Variants in FBXW7 observed in about 807,000 individuals in gnomAD.
The protein encoded by FBXW7 is F-box/WD repeat-containing protein 7.
In FBXW7, 11 loss-of-function variants were observed where a neutral mutation model predicts 86.3. The observed-to-expected ratio is 0.13, with a 90% CI of 0.08 to 0.21. FBXW7 has a LOEUF of 0.21. Among genes scored for constraint, FBXW7 ranks in the 10% least tolerant of loss-of-function variants. The pLI is 1.00. For synonymous variants in FBXW7, 313 were observed against 297.9 expected, an observed-to-expected ratio of 1.05 and a Z score of -0.52; for missense variants, 488 against 847.4, an observed-to-expected ratio of 0.58 and a Z score of 5.27.
chr4:152,396,489 A>T (rs1205209982), intron 4 of FBXW7, among the ~76,000 whole-genome samples: 1 of 152,072 alleles, frequency 6.6e-6, no homozygotes, highest in Non-Finnish European at 1.5e-5. Context: ...AGTTTTAACT[A>T]GCAAGCCAGT....
intron 4 of FBXW7, chr4:152,352,338 A>G: frequency 9.9e-7 from 1 of 1,008,050 alleles, no homozygotes; most frequent in Non-Finnish European, 1.5e-6. Flanking sequence ...ATGATATAAA[A>G]CAGAATACCA....
chr4:152,453,726 T>A (rs1742127005), intron 2 of FBXW7, among the ~76,000 whole-genome samples: 1 of 152,054 alleles, frequency 6.6e-6, no homozygotes, highest in Non-Finnish European at 1.5e-5. Context: ...GTTGAAAGAG[T>A]GGTGGCAGCA....
chr4:152,461,070 C>A (rs1008359287), intron 2 of FBXW7, among the ~76,000 whole-genome samples: 1 of 152,000 alleles, frequency 6.6e-6, no homozygotes, highest in Non-Finnish European at 1.5e-5. Context: ...CACCTGAGGT[C>A]GGGAGGGAGT....
intron 2 of FBXW7, among the ~76,000 whole-genome samples, chr4:152,521,757 A>G (rs1194069652): frequency 6.6e-6 from 1 of 151,750 alleles, no homozygotes; most frequent in African/African-American, 2.4e-5. Flanking sequence ...GAAAGAACAG[A>G]AGCAAGGCAA....
intron 2 of FBXW7, among the ~76,000 whole-genome samples, chr4:152,432,719 G>A (rs1740024575): frequency 6.6e-6 from 1 of 152,188 alleles, no homozygotes; most frequent in Non-Finnish European, 1.5e-5. Context: ...GGCTGAGGCA[G>A]GAGAATCACT....
At chr4:152,508,654 C>CA (rs1206694443) in intron 2 of FBXW7, among the ~76,000 whole-genome samples, 2,579 of 94,986 alleles carry the variant, frequency 0.027, 87 homozygotes, top group African/African-American at 0.088. Flanking sequence ...CGTGCCACTG[C>CA]AAAAAAAAAA....
chr4:152,353,584 T>C (rs996497517), intron 4 of FBXW7, among the ~76,000 whole-genome samples: 4 of 152,182 alleles, frequency 2.6e-5, no homozygotes, highest in African/African-American at 9.6e-5. Flanking sequence ...GAGCAAACAC[T>C]GTGCTGGCTG....
intron 6 of FBXW7, among the ~76,000 whole-genome samples, chr4:152,339,528 G>T (rs1730499567): frequency 6.6e-6 from 1 of 152,102 alleles, no homozygotes; most frequent in Non-Finnish European, 1.5e-5. Flanking sequence ...ATCCCTCACA[G>T]GATTTGAGGT....
At chr4:152,429,223 A>C (rs570925837) in intron 2 of FBXW7, among the ~76,000 whole-genome samples, 1 of 152,256 alleles carries the variant, frequency 6.6e-6, no homozygotes, top group African/African-American at 2.4e-5. Flanking sequence ...AAGCAAGAAC[A>C]ATCAAACTGT....
At chr4:152,507,210 C>A (rs1244912624) in intron 2 of FBXW7, among the ~76,000 whole-genome samples, 1 of 152,044 alleles carries the variant, frequency 6.6e-6, no homozygotes, top group Non-Finnish European at 1.5e-5. Context: ...AATGACCCTC[C>A]CACATGGAAG....
chr4:152,513,108 C>A (rs1202604427), intron 2 of FBXW7, among the ~76,000 whole-genome samples: 1 of 152,158 alleles, frequency 6.6e-6, no homozygotes, highest in Non-Finnish European at 1.5e-5. Context: ...GTGATCCGCT[C>A]ACCTCAGCCT....
chr4:152,346,843 T>G (rs758840589), intron 6 of FBXW7, 87 bp downstream of exon 6: 2 of 1,539,734 alleles, frequency 1.3e-6, no homozygotes, highest in Non-Finnish European at 1.8e-6. Flanking sequence ...TATGTAACAG[T>G]GTTTCCTTCT....
At chr4:152,492,153 C>T (rs1447105354) in intron 2 of FBXW7, among the ~76,000 whole-genome samples, 2 of 152,158 alleles carry the variant, frequency 1.3e-5, no homozygotes, top group African/African-American at 2.4e-5. Context: ...AATACAGTAT[C>T]ATGTCCAGCT....
intron 2 of FBXW7, among the ~76,000 whole-genome samples, chr4:152,488,355 A>G (rs1290655084): frequency 1.3e-5 from 2 of 152,074 alleles, no homozygotes; most frequent in Non-Finnish European, 2.9e-5. Flanking sequence ...CCTTAAGAGA[A>G]GGTCAACGGC....
intron 6 of FBXW7, among the ~76,000 whole-genome samples, chr4:152,338,903 G>A (rs890089834): frequency 6.6e-6 from 1 of 152,022 alleles, no homozygotes; most frequent in Non-Finnish European, 1.5e-5. Flanking sequence ...AATAGGTGAG[G>A]TTTTCAGCTA....
chr4:152,367,927 A>G (rs1733649336), intron 4 of FBXW7, among the ~76,000 whole-genome samples: 1 of 152,086 alleles, frequency 6.6e-6, no homozygotes, highest in African/African-American at 2.4e-5. Flanking sequence ...ATAAAGAAGA[A>G]AAAAACTGGT....
intron 4 of FBXW7, chr4:152,352,924 A>C (rs1205210651): frequency 1.4e-6 from 2 of 1,420,728 alleles, no homozygotes; most frequent in Non-Finnish European, 1.8e-6. Context: ...ACTGCACATC[A>C]ATTATATGGT....
chr4:152,496,020 T>C (rs775572208), intron 2 of FBXW7, among the ~76,000 whole-genome samples: 1 of 152,026 alleles, frequency 6.6e-6, no homozygotes, highest in Non-Finnish European at 1.5e-5. Flanking sequence ...CTACAAATAA[T>C]TTTAAAATTG....
At chr4:152,324,464 AG>A in intron 12 of FBXW7, 70 bp from the exon 13 acceptor site, 4 of 1,256,488 alleles carry the variant, frequency 3.2e-6, no homozygotes, top group Non-Finnish European at 4.5e-6. Context: ...CCTTAATCCT[AG>A]TAGGAAAGGG....
Sources: allele counts gnomAD v4.1 joint callset (sites outside exome capture counted in the v4.1 genomes callset), GRCh38; gene constraint gnomAD v4.1.1; transcripts MANE v1.5; gene names NCBI Gene and HGNC (gene_info 2026-07-23, HGNC 2026-07-21).